AKAP6: variants seen among roughly 807,000 people sequenced by gnomAD.
AKAP6 encodes A-kinase anchor protein 6.
A neutral mutation model predicts 188.5 loss-of-function variants in AKAP6; 58 were observed. That is an observed-to-expected ratio of 0.31 (90% CI 0.25 to 0.38). The LOEUF (loss-of-function observed/expected upper bound fraction) is 0.38. Among genes scored for constraint, AKAP6 ranks in the 10% least tolerant of loss-of-function variants. The probability of loss-of-function intolerance (pLI) is 1.00; values close to 1 mark genes in which losing one functional copy is unlikely to be tolerated. For missense variants in AKAP6, 2,710 were observed against 2,740.0 expected (o/e 0.99, Z 0.24); for synonymous variants, 989 against 998.6 (o/e 0.99, Z 0.18).
chr14:32,352,093 G>GTT, intron 1 of AKAP6, among the ~76,000 whole-genome samples: 1 of 114,856 alleles, frequency 8.7e-6, no homozygotes. Context: ...GTGTGTGTGT[G>GTT]TGTGTGTGTT....
In AKAP6 at chr14:32,824,382, A is replaced by G; in HGVS notation, c.6569A>G (p.Gln2190Arg). 1.9e-6 allele frequency: 3 copies of G among 1,613,926 alleles called. No individual in the cohort carries two copies. The highest frequency in any genetic ancestry group is 2.5e-6 in the Non-Finnish European group (3 of 1,179,942). The stretch of plus-strand genomic sequence containing the variant: ...CCCAGCGAAGCTGCAATGCCACTAC[A>G]AGCAACAGCATGTTCTTCTGAGTTC... ...AVPSEAAMPL[Q>R]ATACSSEFSD... Residue 2190 changes from glutamine to arginine, a missense_variant, in exon 13 of 14, where the codon CAA becomes CGA. Physicochemically the swap from Gln to Arg is conservative, Grantham distance 43. This residue lies in a region of AKAP6 where 2,473 missense variants were observed against 2,426.1 expected (regional missense o/e 1.02). Coordinates refer to ENST00000280979, the MANE Select transcript of AKAP6 (RefSeq NM_004274.5).
chr14:32,710,613 A>T (rs1402527135), intron 9 of AKAP6, among the ~76,000 whole-genome samples: 1 of 152,012 alleles, frequency 6.6e-6, no homozygotes, highest in African/African-American at 2.4e-5. Context: ...ACAGACGAAA[A>T]AAAACAGCCA....
intron 5 of AKAP6, 76 bp from the exon 6 acceptor site, chr14:32,599,334 G>A (rs1428864464): frequency 4.1e-6 from 5 of 1,233,426 alleles, no homozygotes; most frequent in African/African-American, 1.5e-5. Context: ...TTGATAAAAA[G>A]TAGCAAGTAA....
intron 5 of AKAP6, among the ~76,000 whole-genome samples, chr14:32,579,830 T>C (rs1884888539): frequency 3.3e-5 from 5 of 152,184 alleles, no homozygotes; most frequent in Admixed American, 3.3e-4. Context: ...TTGTATTCTT[T>C]AGTTAACCGT....
intron 11 of AKAP6, among the ~76,000 whole-genome samples, chr14:32,740,001 A>G (rs1594898084): frequency 6.6e-6 from 1 of 152,092 alleles, no homozygotes; most frequent in African/African-American, 2.4e-5. Flanking sequence ...ACAGTGAACA[A>G]AAGTTCCCTT....
intron 5 of AKAP6, among the ~76,000 whole-genome samples, chr14:32,596,579 G>T (rs1055243962): frequency 6.6e-6 from 1 of 152,138 alleles, no homozygotes; most frequent in Non-Finnish European, 1.5e-5. Context: ...CCAGGAACCA[G>T]ATTACTCATA....
At chr14:32,504,760 T>A (rs1304278968) in intron 2 of AKAP6, among the ~76,000 whole-genome samples, 1 of 152,224 alleles carries the variant, frequency 6.6e-6, no homozygotes, top group Non-Finnish European at 1.5e-5. Context: ...TAAGTTATTT[T>A]GTCACAATAA....
chr14:32,663,026 G>A (rs991127605), intron 7 of AKAP6, among the ~76,000 whole-genome samples: 3 of 152,048 alleles, frequency 2.0e-5, no homozygotes, highest in Non-Finnish European at 2.9e-5. Context: ...ACCCTCAATG[G>A]CGGCATGTTT....
At chr14:32,721,625 A>G (rs759003186) in intron 9 of AKAP6, among the ~76,000 whole-genome samples, 29 of 152,168 alleles carry the variant, frequency 1.9e-4, no homozygotes, top group Non-Finnish European at 3.7e-4. Flanking sequence ...TCTGTAGCCC[A>G]TCTTAGCTTA....
At chr14:32,469,697 A>C (rs1018815049) in intron 2 of AKAP6, among the ~76,000 whole-genome samples, 6 of 139,414 alleles carry the variant, frequency 4.3e-5, no homozygotes, top group African/African-American at 1.7e-4. Flanking sequence ...GAGATCTGAT[A>C]TTTTTAATGT....
intron 4 of AKAP6, among the ~76,000 whole-genome samples, chr14:32,558,170 A>G: frequency 6.6e-6 from 1 of 152,228 alleles, no homozygotes; most frequent in East Asian, 1.9e-4. Flanking sequence ...CAAGAATCCT[A>G]AAGGATCACA....
intron 2 of AKAP6, among the ~76,000 whole-genome samples, chr14:32,515,853 A>C (rs1399250516): frequency 2.0e-5 from 3 of 152,220 alleles, no homozygotes; most frequent in African/African-American, 7.2e-5. Flanking sequence ...AACTCTGTGA[A>C]GCAAAATAGA....
chr14:32,767,798 A>G, intron 11 of AKAP6, among the ~76,000 whole-genome samples: 1 of 152,064 alleles, frequency 6.6e-6, no homozygotes, highest in East Asian at 1.9e-4. Context: ...TTTATTCTCA[A>G]ACTCAGTGCC....
intron 2 of AKAP6, among the ~76,000 whole-genome samples, chr14:32,502,281 A>T (rs1373085569): frequency 6.6e-6 from 1 of 152,144 alleles, no homozygotes; most frequent in African/African-American, 2.4e-5. Flanking sequence ...TGGAGAAATG[A>T]GATAAATATT....
intron 3 of AKAP6, among the ~76,000 whole-genome samples, chr14:32,536,686 G>T (rs1882693720): frequency 6.6e-6 from 1 of 152,080 alleles, no homozygotes; most frequent in Non-Finnish European, 1.5e-5. Context: ...TTCAGTACCT[G>T]AAAGATTTTA....
intron 2 of AKAP6, among the ~76,000 whole-genome samples, chr14:32,453,874 T>C (rs8011444): frequency 0.41 from 62,649 of 151,424 alleles, 18,347 homozygotes; most frequent in African/African-American, 0.83. Flanking sequence ...CGTGAGCCAC[T>C]GCGCCCGGCC....
chr14:32,753,538 A>G (rs776256898), intron 11 of AKAP6, among the ~76,000 whole-genome samples: 3 of 151,878 alleles, frequency 2.0e-5, no homozygotes, highest in Non-Finnish European at 4.4e-5. Flanking sequence ...AATTCTATCA[A>G]TCTGTTTTTG....
chr14:32,344,851 G>A (rs10133735), intron 1 of AKAP6, among the ~76,000 whole-genome samples: 9,029 of 150,460 alleles, frequency 0.06, 876 homozygotes, highest in African/African-American at 0.2. Flanking sequence ...GGGAGGCGGA[G>A]GTTGCAGTGA....
At chr14:32,520,373 AC>A (rs1411141639) in intron 2 of AKAP6, among the ~76,000 whole-genome samples, 5 of 152,300 alleles carry the variant, frequency 3.3e-5, no homozygotes, top group Non-Finnish European at 7.4e-5. Context: ...AGATAGAGAC[AC>A]AAAAAACCCT....
Sources: gnomAD v4.1 joint callset for allele counts (sites outside exome capture counted in the v4.1 genomes callset) on GRCh38, gnomAD v4.1.1 for gene constraint, gnomAD v4.1.1 regional missense constraint, MANE v1.5 for transcripts, NCBI Gene and HGNC (gene_info 2026-07-23, HGNC 2026-07-21) for gene names.